Variants in PLEKHM3 observed in about 807,000 individuals in gnomAD.
PLEKHM3 encodes the protein pleckstrin homology domain-containing family M member 3.
A neutral mutation model predicts 81.8 loss-of-function variants in PLEKHM3; 45 were observed. The observed-to-expected ratio is 0.55, with a 90% CI of 0.43 to 0.71. The LOEUF (loss-of-function observed/expected upper bound fraction) is 0.71. PLEKHM3 is among the 30% of genes least tolerant of loss of function. The pLI is 0.00. For synonymous variants in PLEKHM3, 352 were observed against 356.4 expected, an observed-to-expected ratio of 0.99 and a Z score of 0.14; for missense variants, 788 against 924.3, an observed-to-expected ratio of 0.85 and a Z score of 1.91.
intron 6 of PLEKHM3, among the ~76,000 whole-genome samples, chr2:207,865,801 A>AAAAAATATATATATATATATAT: frequency 4.0e-5 from 1 of 25,300 alleles, no homozygotes; most frequent in Non-Finnish European, 7.6e-5. Flanking sequence ...AAAAAAAAAA[A>AAAAAATATATATATATATATAT]AGATATATAT....
intron 4 of PLEKHM3, among the ~76,000 whole-genome samples, chr2:207,933,473 A>C (rs910123733): frequency 6.6e-6 from 1 of 152,252 alleles, no homozygotes; most frequent in African/African-American, 2.4e-5. Flanking sequence ...CTGTTGCTGA[A>C]AAATGATGTA....
Position 207,844,385 on chromosome 2 carries a change from C to G in PLEKHM3, c.2109-15889G>C, listed in dbSNP as rs191265591. On this transcript the variant is annotated intron_variant, in intron 7 of 7. Coordinates refer to ENST00000427836, the MANE Select transcript of PLEKHM3 (RefSeq NM_001080475.3). Reference sequence around the variant, plus strand: ...TGGCGCGATCTCGGCTCACTGCAAGCTCCGCCTCCCGGGCTCACGCCATTC... The same window carrying G: ...TGGCGCGATCTCGGCTCACTGCAAGGTCCGCCTCCCGGGCTCACGCCATTC... 4.2e-3 allele frequency among the ~76,000 whole-genome samples: 636 copies of G among 150,266 alleles called. 3 individuals carry two copies. The highest frequency in any genetic ancestry group is 0.014 in the African/African-American group (561 of 40,966).
At chr2:207,887,675 G>A (rs1687921640) in intron 6 of PLEKHM3, among the ~76,000 whole-genome samples, 2 of 152,204 alleles carry the variant, frequency 1.3e-5, no homozygotes, top group South Asian at 4.1e-4. Context: ...GGACTCCTAA[G>A]ATGGATTAGT....
chr2:207,929,652 T>G (rs1414145671), intron 5 of PLEKHM3, among the ~76,000 whole-genome samples: 1 of 152,234 alleles, frequency 6.6e-6, no homozygotes. Flanking sequence ...TCCTGACCAC[T>G]TTCTGTGCTT....
chr2:207,971,570 A>G (rs1244967554), intron 3 of PLEKHM3, among the ~76,000 whole-genome samples: 1 of 152,228 alleles, frequency 6.6e-6, no homozygotes, highest in Non-Finnish European at 1.5e-5. Context: ...TAACTAAAAA[A>G]AAAAAAAGAG....
chr2:208,002,448 T>G (rs1692342564), intron 1 of PLEKHM3, among the ~76,000 whole-genome samples: 2 of 152,166 alleles, frequency 1.3e-5, no homozygotes. Flanking sequence ...CAAATGTGAC[T>G]GTGCTTGTGC....
At chr2:207,920,698 T>C (rs1421321748) in intron 5 of PLEKHM3, among the ~76,000 whole-genome samples, 2 of 151,702 alleles carry the variant, frequency 1.3e-5, no homozygotes, top group Non-Finnish European at 2.9e-5. Context: ...CGTGAAATGA[T>C]GGTGAGAAAT....
At chr2:207,848,503 A>G (rs545055778) in intron 7 of PLEKHM3, among the ~76,000 whole-genome samples, 199 of 152,340 alleles carry the variant, frequency 1.3e-3, no homozygotes, top group Non-Finnish European at 2.3e-3. Context: ...CTCTTGATGG[A>G]CTGATTGTTC....
intron 3 of PLEKHM3, among the ~76,000 whole-genome samples, chr2:207,962,255 A>G (rs1169426781): frequency 6.6e-6 from 1 of 152,202 alleles, no homozygotes; most frequent in African/African-American, 2.4e-5. Flanking sequence ...TTGCATGGCC[A>G]ATGATTCAAT....
rs540455525 is a variant in PLEKHM3 at position 207,924,157 on chromosome 2, G to A, written c.1886+6769C>T. 3.3e-5 allele frequency among the ~76,000 whole-genome samples: 5 copies of A among 150,954 alleles called. No individual in the cohort carries two copies. The South Asian group carries it at 8.4e-4, about 25-fold the overall frequency. ...TGGCCTCAGGTGATCTGCCCACCTCGGCCTCCCAAAGTGCTGGGATTACAA... is the reference window on the plus strand; with the variant it reads ...TGGCCTCAGGTGATCTGCCCACCTCAGCCTCCCAAAGTGCTGGGATTACAA... On this transcript the variant is annotated intron_variant, in intron 5 of 7. Coordinates refer to ENST00000427836, the MANE Select transcript of PLEKHM3 (RefSeq NM_001080475.3).
At chr2:207,986,897 C>T (rs547923234) in intron 2 of PLEKHM3, among the ~76,000 whole-genome samples, 5 of 138,150 alleles carry the variant, frequency 3.6e-5, no homozygotes, top group Non-Finnish European at 7.5e-5. Context: ...CCAGACTGGT[C>T]TCAAACTCCT....
At chr2:207,887,693 G>A (rs1215836552) in intron 6 of PLEKHM3, among the ~76,000 whole-genome samples, 1 of 152,132 alleles carries the variant, frequency 6.6e-6, no homozygotes, top group African/African-American at 2.4e-5. Flanking sequence ...AGTTGGTCCT[G>A]AACAAAAAAG....
intron 4 of PLEKHM3, among the ~76,000 whole-genome samples, chr2:207,939,219 CAT>C (rs1268714000): frequency 6.6e-6 from 1 of 152,286 alleles, no homozygotes; most frequent in African/African-American, 2.4e-5. Context: ...CTAATACACA[CAT>C]GGCAAATATA....
At chr2:207,866,135 C>T (rs1347158199) in intron 6 of PLEKHM3, among the ~76,000 whole-genome samples, 1 of 151,888 alleles carries the variant, frequency 6.6e-6, no homozygotes, top group Admixed American at 6.6e-5. Flanking sequence ...CATCACATAC[C>T]ATCTCTTCCC....
intron 5 of PLEKHM3, among the ~76,000 whole-genome samples, chr2:207,920,146 T>C (rs189040992): frequency 4.1e-4 from 62 of 152,302 alleles, no homozygotes; most frequent in African/African-American, 1.4e-3. Flanking sequence ...GCTTAGAAGG[T>C]AGAAGAATCA....
intron 3 of PLEKHM3, among the ~76,000 whole-genome samples, chr2:207,962,923 T>C (rs114194094): frequency 3.0e-5 from 2 of 65,684 alleles, no homozygotes; most frequent in Non-Finnish European, 8.8e-5. Flanking sequence ...TAGTCAAAAA[T>C]TAAAAAAAAA....
At chr2:207,867,505 T>C (rs1176027019) in intron 6 of PLEKHM3, among the ~76,000 whole-genome samples, 1 of 152,154 alleles carries the variant, frequency 6.6e-6, no homozygotes, top group Non-Finnish European at 1.5e-5. Flanking sequence ...TGAATACAAC[T>C]ATTAGAAGCA....
Position 207,861,182 on chromosome 2 carries a change from A to G in PLEKHM3, c.2031T>C (p.Cys677=). ...TTTCACAGATGAACCCCTTCTGGCTACAAAGACTGCAGCTGTACACGTGTG... is the reference window on the plus strand; with the variant it reads ...TTTCACAGATGAACCCCTTCTGGCTGCAAAGACTGCAGCTGTACACGTGTG... The part of the protein sequence containing the change: ...ATSHVYSCSL[C]SQKGFICEIC... Residue 677 remains cysteine (C), a synonymous_variant, in exon 7 of 8, where the codon TGT becomes TGC. Coordinates refer to ENST00000427836, the MANE Select transcript of PLEKHM3 (RefSeq NM_001080475.3). 6.2e-7 allele frequency: 1 copy of G among 1,614,168 alleles called. No individual in the cohort carries two copies. Among genetic ancestry groups the G allele is most frequent in the Non-Finnish European group, 8.5e-7 (1 of 1,180,002 alleles).
At chr2:207,904,859 C>T (rs1688552931) in intron 6 of PLEKHM3, among the ~76,000 whole-genome samples, 1 of 152,172 alleles carries the variant, frequency 6.6e-6, no homozygotes, top group Non-Finnish European at 1.5e-5. Flanking sequence ...TACTTATAAA[C>T]ATAAAACCAG....
Sources: allele counts gnomAD v4.1 joint callset (sites outside exome capture counted in the v4.1 genomes callset), GRCh38; gene constraint gnomAD v4.1.1; transcripts MANE v1.5; gene names NCBI Gene and HGNC (gene_info 2026-07-23, HGNC 2026-07-21).